Variants in USP31 observed in about 807,000 individuals in gnomAD.
The protein encoded by USP31 is ubiquitin carboxyl-terminal hydrolase 31.
A neutral mutation model predicts 119.4 loss-of-function variants in USP31; 44 were observed. That is an observed-to-expected ratio of 0.37 (90% CI 0.29 to 0.47). USP31 has a LOEUF of 0.47. Among genes scored for constraint, USP31 ranks in the 20% least tolerant of loss-of-function variants. The pLI, the probability that USP31 is intolerant of heterozygous loss-of-function variation, is 0.99. For missense variants in USP31, 1,643 were observed against 1,730.2 expected (o/e 0.95, Z 0.89); for synonymous variants, 749 against 705.6 (o/e 1.06, Z -0.97).
chr16:23,085,576 A>G lies in USP31; in HGVS notation c.1700+9T>C. On this transcript the variant is annotated intron_variant, in intron 10 of 15. Coordinates refer to ENST00000219689, the MANE Select transcript of USP31 (RefSeq NM_020718.4). ...TGTTTCTATAAACACTAACTTTAAAAATACTCACAAATCTCTTGTCTCCTT... is the reference window on the plus strand; with the variant it reads ...TGTTTCTATAAACACTAACTTTAAAGATACTCACAAATCTCTTGTCTCCTT... 1 of 1,610,754 alleles carries G rather than the reference A, an allele frequency of 6.2e-7. No individual in the cohort carries two copies.
At chr16:23,076,925 C>G (rs1900602055) in intron 13 of USP31, among the ~76,000 whole-genome samples, 1 of 152,202 alleles carries the variant, frequency 6.6e-6, no homozygotes, top group Non-Finnish European at 1.5e-5. Flanking sequence ...TTCCATCACT[C>G]AGTACCAAAG....
intron 1 of USP31, among the ~76,000 whole-genome samples, chr16:23,136,263 T>C (rs1903187264): frequency 6.6e-6 from 1 of 152,090 alleles, no homozygotes; most frequent in Non-Finnish European, 1.5e-5. Context: ...GAAGAAAACA[T>C]AGAGGCTTTA....
At chr16:23,100,632 G>C (rs1040575384) in intron 6 of USP31, among the ~76,000 whole-genome samples, 3 of 152,132 alleles carry the variant, frequency 2.0e-5, no homozygotes, top group African/African-American at 7.2e-5. Context: ...AATTAGCCAG[G>C]TGTGGTGGCA....
chr16:23,092,862 GAAGTAGAGGGTA>G (rs1383688984), intron 6 of USP31, among the ~76,000 whole-genome samples: 2 of 152,254 alleles, frequency 1.3e-5, no homozygotes, highest in Admixed American at 1.3e-4. Flanking sequence ...GAGGCCTCTG[GAAGTAGAGGGTA>G]AAGTAAAAGA....
chr16:23,117,856 C>T (rs1902546228), intron 1 of USP31, among the ~76,000 whole-genome samples: 1 of 151,688 alleles, frequency 6.6e-6, no homozygotes, highest in Admixed American at 6.6e-5. Context: ...GTAGTGCAAT[C>T]TCAGCTCACT....
chr16:23,073,170 G>C (rs1003548919), intron 14 of USP31, among the ~76,000 whole-genome samples: 2 of 152,024 alleles, frequency 1.3e-5, no homozygotes, highest in African/African-American at 4.8e-5. Flanking sequence ...GATGTCATCC[G>C]GCTAAACCCA....
At chr16:23,111,806 T>C (rs1424797584) in intron 1 of USP31, among the ~76,000 whole-genome samples, 1 of 152,088 alleles carries the variant, frequency 6.6e-6, no homozygotes, top group Non-Finnish European at 1.5e-5. Flanking sequence ...GAAGAGAGCT[T>C]CATGAAGAAA....
At position 23,095,075 on chromosome 16, in the gene USP31, C is replaced by T. The variant is rs147331832; in HGVS notation, c.1235-4271G>A. Among the ~76,000 whole-genome samples the T allele has an allele frequency of 5.0e-3, 767 of 152,168 alleles. 32 individuals are homozygous for T. In the East Asian group the frequency reaches 0.096, roughly 19 times the overall value. ...GCTAAAGGAGCATGTTCAAACCCAT[C>T]GCAAGGAAGCTAAAAACCTTGAAAA... On this transcript the variant is annotated intron_variant, in intron 6 of 15. Transcript: ENST00000219689.
chr16:23,133,341 T>C (rs1210125409), intron 1 of USP31, among the ~76,000 whole-genome samples: 2 of 152,136 alleles, frequency 1.3e-5, no homozygotes, highest in Non-Finnish European at 2.9e-5. Flanking sequence ...CAAGCTGTCT[T>C]TGGTTGTGCC....
At chr16:23,123,899 T>C (rs542001594) in intron 1 of USP31, among the ~76,000 whole-genome samples, 22 of 151,584 alleles carry the variant, frequency 1.5e-4, no homozygotes, top group Non-Finnish European at 3.2e-4. Flanking sequence ...ACCAGAGAGC[T>C]GAGGTGAGAA....
chr16:23,090,762 A>G lies in USP31; in HGVS notation c.1277T>C (p.Leu426Ser). Residue 426 changes from leucine (L) to serine (S), a missense_variant, in exon 7 of 16, where the codon TTG (leucine) becomes TCG (serine). By Grantham distance (145) the Leu-to-Ser change is moderately radical. Transcript: ENST00000219689. ...AGGAGAAGACAGTCTATGATAATCC[A>G]AGCCAAATTTCAAGTGGTTTAGGTT... ...NNNLNHLKFG[L>S]DYHRLSSPTQ... 1.2e-6 allele frequency: 2 copies of G among 1,608,510 alleles called. No homozygotes were observed. The highest frequency in any genetic ancestry group is 1.7e-6 in the Non-Finnish European group (2 of 1,175,780).
At chr16:23,082,831 C>CTTTT (rs71151692) in intron 11 of USP31, among the ~76,000 whole-genome samples, 9 of 129,308 alleles carry the variant, frequency 7.0e-5, no homozygotes, top group South Asian at 2.5e-4. Context: ...CTTTCTCTCT[C>CTTTT]TTTTTTTTTT....
At chr16:23,122,765 T>G (rs1370663188) in intron 1 of USP31, among the ~76,000 whole-genome samples, 1 of 152,104 alleles carries the variant, frequency 6.6e-6, no homozygotes, top group African/African-American at 2.4e-5. Flanking sequence ...CAATGTAGCT[T>G]AGTGTTCATG....
At position 23,069,440 on chromosome 16, in the gene USP31, T is replaced by G; in HGVS notation, c.2665A>C (p.Ile889Leu). ...SPSRFSGDSP[I>L]HSSASTLEKI... ...TCCAAGGTGGAAGCAGAGCTGTGAA[T>G]TGGCGAATCCCCTGAAAATCGGGAT... Residue 889 changes from isoleucine to leucine, a missense_variant, in exon 16 of 16, where the codon ATT becomes CTT. By Grantham distance (5) the Ile-to-Leu change is conservative (BLOSUM62 2). Around this residue, in one of 5 missense-constraint regions of USP31, gnomAD observed 699 missense variants for 650.9 expected, o/e 1.07. Transcript: ENST00000219689. The G allele has an allele frequency of 6.2e-7, 1 of 1,614,190 alleles. No homozygotes were observed. The highest frequency in any genetic ancestry group is 8.5e-7 in the Non-Finnish European group (1 of 1,180,018).
intron 15 of USP31, 47 bp downstream of exon 15, chr16:23,071,998 T>C (rs1473333596): frequency 1.3e-6 from 2 of 1,580,108 alleles, no homozygotes; most frequent in Admixed American, 1.7e-5. Flanking sequence ...CTCTGCTGTG[T>C]CTGTGAGTTA....
At chr16:23,146,203 T>G (rs1903497258) in intron 1 of USP31, among the ~76,000 whole-genome samples, 1 of 129,898 alleles carries the variant, frequency 7.7e-6, no homozygotes, top group African/African-American at 2.9e-5. Flanking sequence ...TGTGGCTACT[T>G]ACAGGCAATT....
intron 1 of USP31, among the ~76,000 whole-genome samples, chr16:23,134,225 A>G (rs989746084): frequency 2.4e-4 from 37 of 152,196 alleles, no homozygotes; most frequent in African/African-American, 8.2e-4. Flanking sequence ...CAATAACACT[A>G]AACAGCACCA....
intron 13 of USP31, among the ~76,000 whole-genome samples, chr16:23,078,037 G>A (rs994617788): frequency 6.6e-6 from 1 of 152,076 alleles, no homozygotes; most frequent in African/African-American, 2.4e-5. Flanking sequence ...TTATAGGCCG[G>A]GCGCAGTGGC....
chr16:23,114,238 T>G lies in USP31; in HGVS notation c.634-6055A>C, dbSNP rs74735762. Among the ~76,000 whole-genome samples, 497 of 152,230 alleles carry G rather than the reference T, an allele frequency of 3.3e-3. 1 individual carries two copies. Among genetic ancestry groups the G allele is most frequent in the African/African-American group, 0.011 (469 of 41,540 alleles). ...AGAAGGAGGTAAAGATAGTCCTGCATGCAGATAAGCCAGAGACAGGAAGGC... is the reference window on the plus strand; with the variant it reads ...AGAAGGAGGTAAAGATAGTCCTGCAGGCAGATAAGCCAGAGACAGGAAGGC... On this transcript the variant is annotated intron_variant, in intron 1 of 15. Transcript: ENST00000219689.
Sources: gnomAD v4.1 joint callset for allele counts (sites outside exome capture counted in the v4.1 genomes callset) on GRCh38, gnomAD v4.1.1 for gene constraint, gnomAD v4.1.1 regional missense constraint, MANE v1.5 for transcripts, NCBI Gene and HGNC (gene_info 2026-07-23, HGNC 2026-07-21) for gene names.